The following BMP5 variants were observed in gnomAD, a reference collection of about 807,000 sequenced individuals.
BMP5 encodes bone morphogenetic protein 5.
A neutral mutation model predicts 46.6 loss-of-function variants in BMP5; 23 were observed. The ratio of observed to expected loss-of-function variants is 0.49; its 90% CI spans 0.35 to 0.70. The LOEUF (loss-of-function observed/expected upper bound fraction) is 0.70. BMP5 is among the 30% of genes least tolerant of loss of function. BMP5 has a pLI of 0.00. For synonymous variants in BMP5, 204 were observed against 191.9 expected, an observed-to-expected ratio of 1.06 and a Z score of -0.52; for missense variants, 545 against 565.6, an observed-to-expected ratio of 0.96 and a Z score of 0.37.
At chr6:55,765,057 AC>A (rs1373339438) in intron 4 of BMP5, among the ~76,000 whole-genome samples, 1 of 152,158 alleles carries the variant, frequency 6.6e-6, no homozygotes, top group Non-Finnish European at 1.5e-5. Context: ...TCAAAATATC[AC>A]ATGTACCCCA....
intron 2 of BMP5, among the ~76,000 whole-genome samples, chr6:55,798,289 G>T (rs1775765702): frequency 6.6e-6 from 1 of 152,148 alleles, no homozygotes; most frequent in Non-Finnish European, 1.5e-5. Flanking sequence ...TCGGGGGAGA[G>T]GGCACAATTC....
At chr6:55,757,365 G>A (rs114807737) in intron 6 of BMP5, among the ~76,000 whole-genome samples, 1,987 of 151,982 alleles carry the variant, frequency 0.013, 24 homozygotes, top group South Asian at 0.044. Flanking sequence ...TCAACTGATA[G>A]GAGTTATTCT....
At chr6:55,846,891 T>A (rs1777109918) in intron 1 of BMP5, among the ~76,000 whole-genome samples, 1 of 151,538 alleles carries the variant, frequency 6.6e-6, no homozygotes. Flanking sequence ...TATTTTATAA[T>A]CATATGTAGG....
At chr6:55,764,415 T>C (rs563258108) in intron 4 of BMP5, among the ~76,000 whole-genome samples, 1 of 151,598 alleles carries the variant, frequency 6.6e-6, no homozygotes, top group African/African-American at 2.4e-5. Flanking sequence ...CTACTAAAAA[T>C]ACGAAAAATT....
chr6:55,792,896 C>A (rs971134341), intron 3 of BMP5, among the ~76,000 whole-genome samples: 9 of 152,012 alleles, frequency 5.9e-5, no homozygotes, highest in African/African-American at 1.7e-4. Flanking sequence ...AAGCAGTGAA[C>A]CTTAAATAAG....
chr6:55,769,944 A>C (rs1327952400), intron 4 of BMP5, among the ~76,000 whole-genome samples: 1 of 151,826 alleles, frequency 6.6e-6, no homozygotes, highest in Admixed American at 6.6e-5. Context: ...AATAGTTAAT[A>C]AACCATGCTA....
At chr6:55,813,773 C>T (rs1175289153) in intron 2 of BMP5, among the ~76,000 whole-genome samples, 2 of 135,608 alleles carry the variant, frequency 1.5e-5, no homozygotes, top group Non-Finnish European at 3.0e-5. Context: ...GATGAAAGAG[C>T]GAGACACCGT....
rs9475427 is a variant in BMP5 at position 55,848,132 on chromosome 6, G to T, written c.490+26244C>A. Among the ~76,000 whole-genome samples the T allele has an allele frequency of 5.8e-3, 885 of 151,978 alleles. 12 individuals carry two copies. The highest frequency in any genetic ancestry group is 0.02 in the African/African-American group (835 of 41,530). ...AAAAGTTTCTACTTTCAACCAGAAT[G>T]CTTCTTTGTGTATATTTCTATAACA... On this transcript the variant is annotated intron_variant, in intron 1 of 6. Transcript: ENST00000370830.
At chr6:55,817,524 C>A (rs1020819550) in intron 2 of BMP5, among the ~76,000 whole-genome samples, 1 of 151,958 alleles carries the variant, frequency 6.6e-6, no homozygotes, top group Non-Finnish European at 1.5e-5. Context: ...ACCTCATGTT[C>A]TCACTCATAG....
intron 1 of BMP5, among the ~76,000 whole-genome samples, chr6:55,833,527 C>G (rs1471129290): frequency 6.6e-6 from 1 of 152,110 alleles, no homozygotes; most frequent in Non-Finnish European, 1.5e-5. Flanking sequence ...CTTAAAATAA[C>G]TCTAGGAAGC....
Position 55,774,051 on chromosome 6 carries a change from C to G in BMP5, c.1025G>C (p.Gly342Ala). 6.2e-7 allele frequency: 1 copy of G among 1,612,328 alleles called. No homozygotes were observed. The highest frequency in any genetic ancestry group is 1.1e-5 in the South Asian group (1 of 91,048). The stretch of plus-strand genomic sequence containing the variant: ...CTGCTGCTCGGGTTTATTCTTACCT[C>G]CAACACTGGACATTCTGGAGGAGTC... Reference protein sequence around the residue: ...HQDSSRMSSVGDYNTSEQKQA... With the variant: ...HQDSSRMSSVADYNTSEQKQA... The change falls in exon 4 of 7, where the codon GGA becomes GCA. Residue 342 changes from glycine to alanine, a missense_variant and splice_region_variant. Coordinates refer to ENST00000370830, the MANE Select transcript of BMP5 (RefSeq NM_021073.4).
chr6:55,781,508 A>G (rs1463016206), intron 3 of BMP5, among the ~76,000 whole-genome samples: 1 of 152,034 alleles, frequency 6.6e-6, no homozygotes, highest in Admixed American at 6.6e-5. Context: ...TCTGCATTTT[A>G]CCTATAGTAA....
intron 3 of BMP5, among the ~76,000 whole-genome samples, chr6:55,785,213 G>T (rs1205303776): frequency 6.6e-6 from 1 of 151,914 alleles, no homozygotes; most frequent in African/African-American, 2.4e-5. Flanking sequence ...TTGGCAAAAG[G>T]TATTGCTGAA....
chr6:55,841,524 T>C (rs1201934743), intron 1 of BMP5, among the ~76,000 whole-genome samples: 1 of 152,208 alleles, frequency 6.6e-6, no homozygotes. Flanking sequence ...CTGGTTAGCT[T>C]AAACCACAAA....
chr6:55,867,278 G>A (rs759789200), intron 1 of BMP5, among the ~76,000 whole-genome samples: 1 of 152,042 alleles, frequency 6.6e-6, no homozygotes, highest in Non-Finnish European at 1.5e-5. Flanking sequence ...TTCTGTCAGG[G>A]CACCTTCCCC....
At chr6:55,799,134 T>C (rs1775784750) in intron 2 of BMP5, among the ~76,000 whole-genome samples, 1 of 152,186 alleles carries the variant, frequency 6.6e-6, no homozygotes, top group Non-Finnish European at 1.5e-5. Context: ...AATTTCCCTG[T>C]ATATTAAAAA....
chr6:55,830,957 A>G (rs919210855), intron 1 of BMP5, among the ~76,000 whole-genome samples: 1 of 152,022 alleles, frequency 6.6e-6, no homozygotes, highest in Non-Finnish European at 1.5e-5. Flanking sequence ...CCTACATGAG[A>G]AGTTTAGACT....
intron 2 of BMP5, among the ~76,000 whole-genome samples, chr6:55,796,157 A>G (rs1366322971): frequency 6.6e-6 from 1 of 152,214 alleles, no homozygotes; most frequent in Non-Finnish European, 1.5e-5. Context: ...CTTGAGTGCT[A>G]CACTGATTTC....
chr6:55,785,016 T>G (rs1775412721), intron 3 of BMP5, among the ~76,000 whole-genome samples: 1 of 151,862 alleles, frequency 6.6e-6, no homozygotes, highest in African/African-American at 2.4e-5. Context: ...TGGTTAACAC[T>G]GAGTAAGCTC....
Sources: allele counts gnomAD v4.1 joint callset (sites outside exome capture counted in the v4.1 genomes callset), GRCh38; gene constraint gnomAD v4.1.1; transcripts MANE v1.5; gene names NCBI Gene and HGNC (gene_info 2026-07-23, HGNC 2026-07-21).